Variants in KCNN2 observed in about 807,000 individuals in gnomAD.
KCNN2 encodes potassium calcium-activated channel subfamily N member 2.
A neutral mutation model predicts 55.5 loss-of-function variants in KCNN2; 24 were observed. The observed-to-expected ratio is 0.43, with a 90% CI of 0.31 to 0.61. The LOEUF is 0.61. Ranked by LOEUF, KCNN2 falls within the 20% of genes least tolerant of loss-of-function variation. KCNN2 has a pLI of 0.08. For synonymous variants in KCNN2, 431 were observed against 336.1 expected (o/e 1.28, Z -3.09); for missense variants, 754 against 853.6 (o/e 0.88, Z 1.45).
chr5:114,400,106 A>G (rs1270172423), intron 2 of KCNN2, among the ~76,000 whole-genome samples: 1 of 151,488 alleles, frequency 6.6e-6, no homozygotes, highest in Non-Finnish European at 1.5e-5. Flanking sequence ...TCTGCTTCTC[A>G]ATTTCCTTCA....
chr5:114,118,357 G>T (rs1293709470), intron 1 of KCNN2, among the ~76,000 whole-genome samples: 9 of 152,072 alleles, frequency 5.9e-5, no homozygotes, highest in African/African-American at 2.2e-4. Context: ...TGAGGAATTG[G>T]CTCATTCCAA....
chr5:114,171,955 A>G (rs1178735722), intron 1 of KCNN2, among the ~76,000 whole-genome samples: 1 of 151,864 alleles, frequency 6.6e-6, no homozygotes, highest in East Asian at 1.9e-4. Flanking sequence ...TATAGTATGG[A>G]GCCCTCTTGT....
At chr5:114,248,921 T>G (rs1754802975) in intron 2 of KCNN2, among the ~76,000 whole-genome samples, 1 of 152,200 alleles carries the variant, frequency 6.6e-6, no homozygotes, top group African/African-American at 2.4e-5. Flanking sequence ...CTTGAGGGTG[T>G]GAAAGGGGCA....
intron 1 of KCNN2, among the ~76,000 whole-genome samples, chr5:114,201,786 A>G (rs1416583783): frequency 2.7e-5 from 4 of 150,106 alleles, no homozygotes; most frequent in Admixed American, 2.0e-4. Flanking sequence ...AGCCTGTTGC[A>G]TGGCTGTGGG....
chr5:114,290,044 T>A (rs947183534), intron 2 of KCNN2, among the ~76,000 whole-genome samples: 2 of 152,232 alleles, frequency 1.3e-5, no homozygotes, highest in Admixed American at 6.5e-5. Flanking sequence ...AGTTTATTAT[T>A]CTTAAAGGAT....
intron 2 of KCNN2, among the ~76,000 whole-genome samples, chr5:114,338,236 A>C (rs548500731): frequency 6.6e-6 from 1 of 152,308 alleles, no homozygotes; most frequent in South Asian, 2.1e-4. Context: ...TTAATACTGA[A>C]AACTGTTTGG....
intron 1 of KCNN2, among the ~76,000 whole-genome samples, chr5:114,144,166 C>G (rs907163667): frequency 3.3e-5 from 5 of 152,174 alleles, no homozygotes; most frequent in Non-Finnish European, 7.3e-5. Context: ...TTTACTGATT[C>G]CCAATTGTGA....
chr5:114,446,130 T>C (rs1760398098), intron 3 of KCNN2, among the ~76,000 whole-genome samples: 1 of 152,184 alleles, frequency 6.6e-6, no homozygotes, highest in African/African-American at 2.4e-5. Context: ...TAAACTAATA[T>C]ACAAAAATGA....
At chr5:114,101,741 A>G (rs935387464) in intron 1 of KCNN2, among the ~76,000 whole-genome samples, 8 of 152,054 alleles carry the variant, frequency 5.3e-5, no homozygotes, top group Non-Finnish European at 1.2e-4. Context: ...AGCTTCATCT[A>G]TGTCCCTGAA....
intron 1 of KCNN2, among the ~76,000 whole-genome samples, chr5:114,102,193 G>C (rs1229363200): frequency 6.6e-6 from 1 of 151,998 alleles, no homozygotes; most frequent in African/African-American, 2.4e-5. Flanking sequence ...GTGATGATGA[G>C]CTTTTTTTCA....
intron 1 of KCNN2, among the ~76,000 whole-genome samples, chr5:114,075,751 C>A (rs1052441404): frequency 1.3e-5 from 2 of 152,114 alleles, no homozygotes; most frequent in African/African-American, 4.8e-5. Flanking sequence ...AAATATGTCT[C>A]AAACAGTCTG....
At chr5:114,107,616 G>A (rs1751516357) in intron 1 of KCNN2, among the ~76,000 whole-genome samples, 2 of 151,604 alleles carry the variant, frequency 1.3e-5, no homozygotes, top group Non-Finnish European at 2.9e-5. Context: ...TGCTGTTCTT[G>A]AAATCCTGAG....
intron 1 of KCNN2, among the ~76,000 whole-genome samples, chr5:114,216,519 T>A (rs1421018475): frequency 6.6e-6 from 1 of 152,176 alleles, no homozygotes; most frequent in Non-Finnish European, 1.5e-5. Context: ...TTTATGAGCT[T>A]CACTCAAGAT....
At chr5:114,472,935 T>C in intron 4 of KCNN2, 119 bp from the exon 5 acceptor site, 1 of 571,300 alleles carries the variant, frequency 1.8e-6, no homozygotes, top group Non-Finnish European at 3.1e-6. Flanking sequence ...TAATACTTAT[T>C]GAAGACAATG....
intron 2 of KCNN2, among the ~76,000 whole-genome samples, chr5:114,222,903 G>C (rs1580634212): frequency 6.6e-6 from 1 of 152,130 alleles, no homozygotes; most frequent in Non-Finnish European, 1.5e-5. Flanking sequence ...CTGTGAGTGA[G>C]CTGCCACAGA....
chr5:114,115,731 T>C lies in KCNN2; in HGVS notation c.-271+59231T>C, dbSNP rs565080585. Reference sequence around the variant, plus strand: ...TTGAAAGGGAAGAAGGAAGTTGTAGTAGACATCTTTTAGGGTATCATCCAG... The same window carrying C: ...TTGAAAGGGAAGAAGGAAGTTGTAGCAGACATCTTTTAGGGTATCATCCAG... On this transcript the variant is annotated intron_variant, in intron 1 of 10. Transcript: ENST00000512097. Among the ~76,000 whole-genome samples the C allele has an allele frequency of 2.6e-5, 4 of 152,150 alleles. No individual in the cohort carries two copies. In the East Asian group the frequency reaches 5.8e-4, roughly 22 times the overall value.
At chr5:114,313,299 A>G (rs1756441201) in intron 2 of KCNN2, among the ~76,000 whole-genome samples, 1 of 152,122 alleles carries the variant, frequency 6.6e-6, no homozygotes. Flanking sequence ...GGAACATTTA[A>G]TTCCCCCCTC....
At chr5:114,445,983 C>G (rs1055337445) in intron 3 of KCNN2, among the ~76,000 whole-genome samples, 1 of 152,176 alleles carries the variant, frequency 6.6e-6, no homozygotes, top group Non-Finnish European at 1.5e-5. Flanking sequence ...GGGTGCTTTG[C>G]AAGCCTGTGA....
chr5:114,101,497 C>G (rs978778460), intron 1 of KCNN2, among the ~76,000 whole-genome samples: 1 of 148,300 alleles, frequency 6.7e-6, no homozygotes, highest in African/African-American at 2.5e-5. Flanking sequence ...AGGTTTGTTA[C>G]ATAGGTATAC....
Sources: gnomAD v4.1 joint callset for allele counts (sites outside exome capture counted in the v4.1 genomes callset) on GRCh38, gnomAD v4.1.1 for gene constraint, MANE v1.5 for transcripts, NCBI Gene and HGNC (gene_info 2026-07-23, HGNC 2026-07-21) for gene names.